Variants in NTM observed in about 807,000 individuals in gnomAD.
NTM encodes IgLON family member 2.
NTM carries 13 observed loss-of-function variants against 42.1 expected under a neutral mutation model. The ratio of observed to expected loss-of-function variants is 0.31; its 90% CI spans 0.20 to 0.49. The LOEUF (loss-of-function observed/expected upper bound fraction) is 0.49, where lower values mean the gene tolerates loss of function less well. Among genes scored for constraint, NTM ranks in the 20% least tolerant of loss-of-function variants. NTM has a pLI of 0.99. For synonymous variants in NTM, 187 were observed against 179.2 expected, an observed-to-expected ratio of 1.04 and a Z score of -0.35; for missense variants, 373 against 452.8, an observed-to-expected ratio of 0.82 and a Z score of 1.60.
chr11:131,952,156 T>C (rs1338883974), intron 2 of NTM, among the ~76,000 whole-genome samples: 2 of 152,106 alleles, frequency 1.3e-5, no homozygotes, highest in African/African-American at 4.8e-5. Flanking sequence ...GTCCCTATCC[T>C]CATAAAACAC....
At chr11:132,045,885 C>T (rs1004555375) in intron 2 of NTM, among the ~76,000 whole-genome samples, 3 of 152,228 alleles carry the variant, frequency 2.0e-5, no homozygotes, top group South Asian at 2.1e-4. Context: ...GAAATCTGTC[C>T]GAGGATCTGG....
At chr11:132,012,565 C>T (rs1409282438) in intron 2 of NTM, among the ~76,000 whole-genome samples, 1 of 152,112 alleles carries the variant, frequency 6.6e-6, no homozygotes, top group Non-Finnish European at 1.5e-5. Context: ...TTTAGTGGTA[C>T]TAATAAGGGA....
chr11:131,903,935 T>G (rs189749691), intron 1 of NTM, among the ~76,000 whole-genome samples: 1,680 of 145,764 alleles, frequency 0.012, 31 homozygotes, highest in African/African-American at 0.043. Flanking sequence ...ACACAGATCA[T>G]GAAGATTTTT....
intron 1 of NTM, among the ~76,000 whole-genome samples, chr11:131,847,093 AT>A (rs1440563841): frequency 6.6e-6 from 1 of 152,144 alleles, no homozygotes; most frequent in Non-Finnish European, 1.5e-5. Flanking sequence ...TGTATCTTTC[AT>A]TTAGTTGTAG....
At chr11:132,202,082 G>A (rs907609270) in intron 3 of NTM, among the ~76,000 whole-genome samples, 1 of 152,078 alleles carries the variant, frequency 6.6e-6, no homozygotes, top group Non-Finnish European at 1.5e-5. Context: ...CTTTCTCATT[G>A]TGACGTTATT....
At position 131,561,741 on chromosome 11, in the gene NTM, C is replaced by T. The variant is rs555800626; in HGVS notation, c.82+190853C>T. Among the ~76,000 whole-genome samples the T allele has an allele frequency of 3.3e-5, 5 of 152,328 alleles. No homozygotes were observed. The East Asian group carries it at 9.7e-4, about 29-fold the overall frequency. On this transcript the variant is annotated intron_variant, in intron 1 of 8. Transcript: ENST00000683400. ...GAGACACAACTACTGCATTGCCCCA[C>T]ACTTTCCTTTCCTGGCCCGAGAAAG...
At chr11:131,613,732 A>G (rs1367633831) in intron 1 of NTM, among the ~76,000 whole-genome samples, 1 of 152,112 alleles carries the variant, frequency 6.6e-6, no homozygotes, top group East Asian at 1.9e-4. Context: ...CCCGGTTCAC[A>G]GGAGACGTGG....
intron 1 of NTM, among the ~76,000 whole-genome samples, chr11:131,615,480 C>A (rs2061834768): frequency 6.6e-6 from 1 of 152,084 alleles, no homozygotes; most frequent in African/African-American, 2.4e-5. Flanking sequence ...ATTATCCTGT[C>A]TTAGCCTCTT....
intron 1 of NTM, among the ~76,000 whole-genome samples, chr11:131,500,027 G>A (rs2046537586): frequency 1.3e-5 from 2 of 152,210 alleles, no homozygotes; most frequent in Admixed American, 1.3e-4. Flanking sequence ...GCAGTGTGTG[G>A]TCCCCCCATG....
intron 1 of NTM, among the ~76,000 whole-genome samples, chr11:131,509,896 A>G (rs988425649): frequency 2.6e-5 from 4 of 152,176 alleles, no homozygotes; most frequent in East Asian, 3.9e-4. Flanking sequence ...GATGATGCCA[A>G]TTTTCATGAT....
intron 2 of NTM, among the ~76,000 whole-genome samples, chr11:132,080,601 A>G (rs1348025161): frequency 6.6e-6 from 1 of 152,106 alleles, no homozygotes; most frequent in Non-Finnish European, 1.5e-5. Flanking sequence ...CCTTTTACCT[A>G]CATTTCATCT....
At chr11:132,209,296 T>C (rs576839459) in intron 3 of NTM, among the ~76,000 whole-genome samples, 2 of 152,328 alleles carry the variant, frequency 1.3e-5, no homozygotes, top group Admixed American at 6.5e-5. Flanking sequence ...ATCTTAAAAG[T>C]CCCAGATTAT....
At chr11:131,613,243 C>A (rs965880562) in intron 1 of NTM, among the ~76,000 whole-genome samples, 2 of 152,224 alleles carry the variant, frequency 1.3e-5, no homozygotes, top group African/African-American at 4.8e-5. Flanking sequence ...TCATAGGCCA[C>A]TCCGACAAGC....
chr11:131,645,538 C>T (rs901849495), intron 1 of NTM, among the ~76,000 whole-genome samples: 3 of 152,216 alleles, frequency 2.0e-5, no homozygotes, highest in African/African-American at 7.2e-5. Flanking sequence ...ATTCTTTCCC[C>T]TCAAGTGAAA....
At chr11:131,772,336 C>T (rs769915913) in intron 1 of NTM, among the ~76,000 whole-genome samples, 1 of 152,168 alleles carries the variant, frequency 6.6e-6, no homozygotes. Flanking sequence ...GTGGGAGGCA[C>T]CAACAAGCGT....
At chr11:131,631,812 A>G (rs982920363) in intron 1 of NTM, among the ~76,000 whole-genome samples, 1 of 152,192 alleles carries the variant, frequency 6.6e-6, no homozygotes, top group Non-Finnish European at 1.5e-5. Context: ...GGCTGCCGTA[A>G]TGTTTTGGGA....
chr11:132,058,940 G>T, intron 2 of NTM, among the ~76,000 whole-genome samples: 1 of 152,364 alleles, frequency 6.6e-6, no homozygotes, highest in Admixed American at 6.5e-5. Flanking sequence ...TTGTGAAAAT[G>T]TGAAGTAGAG....
chr11:131,476,744 C>T (rs150836355), intron 1 of NTM, among the ~76,000 whole-genome samples: 8 of 152,178 alleles, frequency 5.3e-5, no homozygotes, highest in South Asian at 2.1e-4. Flanking sequence ...TGAAAAGAAG[C>T]CACACTTCCC....
intron 1 of NTM, among the ~76,000 whole-genome samples, chr11:131,580,761 C>T (rs2058335606): frequency 6.6e-6 from 1 of 152,164 alleles, no homozygotes; most frequent in South Asian, 2.1e-4. Flanking sequence ...TCTTCGTATT[C>T]CCTTGCATCA....
Sources: gnomAD v4.1 joint callset for allele counts (sites outside exome capture counted in the v4.1 genomes callset) on GRCh38, gnomAD v4.1.1 for gene constraint, MANE v1.5 for transcripts, NCBI Gene and HGNC (gene_info 2026-07-23, HGNC 2026-07-21) for gene names.